Variants in SIGLEC11 observed in about 807,000 individuals in gnomAD.
SIGLEC11 encodes sialic acid-binding Ig-like lectin 11.
Under a neutral mutation model 61.2 loss-of-function variants are expected in SIGLEC11, and 47 were observed. That is an observed-to-expected ratio of 0.77 (90% CI 0.61 to 0.98). The LOEUF (loss-of-function observed/expected upper bound fraction) is 0.98, where lower values mean the gene tolerates loss of function less well. Ranked by LOEUF, SIGLEC11 falls within the 50% of genes least tolerant of loss-of-function variation. The pLI is 0.00. For missense variants in SIGLEC11, 610 were observed against 870.3 expected (o/e 0.70, Z 3.76); for synonymous variants, 278 against 373.1 (o/e 0.75, Z 2.94).
rs2076239454 is a variant in SIGLEC11 at position 49,960,698 on chromosome 19, A to G, written c.314T>C (p.Leu105Pro). 6.2e-7 allele frequency: 1 copy of G among 1,610,968 alleles called. No individual in the cohort carries two copies. Among genetic ancestry groups the G allele is most frequent in the Non-Finnish European group, 8.5e-7 (1 of 1,179,754 alleles). The change falls in exon 2 of 11, where the codon CTC becomes CCC. Residue 105 changes from leucine to proline, a missense_variant. Coordinates refer to ENST00000447370, the MANE Select transcript of SIGLEC11 (RefSeq NM_052884.3). ...VEMSTRDRFQ[L>P]TGDPGKGSCS... is the part of the protein sequence containing the mutation. Reference sequence around the variant, plus strand: ...GCTCCCTTTGCCGGGATCCCCAGTGAGCTGGAATCGGTCCCGGGTGCTCAT... The same window carrying G: ...GCTCCCTTTGCCGGGATCCCCAGTGGGCTGGAATCGGTCCCGGGTGCTCAT...
chr19:49,952,230 G>A (rs1849058675), intron 9 of SIGLEC11, 68 bp downstream of exon 9: 4 of 1,483,096 alleles, frequency 2.7e-6, no homozygotes, highest in African/African-American at 1.4e-5. Flanking sequence ...TCCTGCAGCT[G>A]GGACTGTCTG....
At chr19:49,956,641 A>T (rs114841842) in intron 8 of SIGLEC11, among the ~76,000 whole-genome samples, 1 of 152,216 alleles carries the variant, frequency 6.6e-6, no homozygotes, top group African/African-American at 2.4e-5. Context: ...AAAATTGAAA[A>T]GACACAAATT....
Position 49,958,546 on chromosome 19 carries a change from G to C in SIGLEC11, c.1388C>G (p.Ser463Cys), listed in dbSNP as rs776744999. ...CAGACCCTCAGCCTCCCAGGAGCAGGAGGGGCCCAGCAGCTGTGGAGGGTC... is the reference window on the plus strand; with the variant it reads ...CAGACCCTCAGCCTCCCAGGAGCAGCAGGGGCCCAGCAGCTGTGGAGGGTC... ...VHYPPQLLGP[S>C]CSWEAEGLHC... The change falls in exon 8 of 11, where the codon TCC (serine) becomes TGC (cysteine). Residue 463 changes from serine to cysteine, a missense_variant. By Grantham distance (112) the Ser-to-Cys change is moderately radical (BLOSUM62 -1). Coordinates refer to ENST00000447370, the MANE Select transcript of SIGLEC11 (RefSeq NM_052884.3). 1.9e-6 allele frequency: 3 copies of C among 1,583,970 alleles called. No homozygotes were observed. Among genetic ancestry groups the C allele is most frequent in the Non-Finnish European group, 2.6e-6 (3 of 1,165,714 alleles).
chr19:49,949,890 G>T lies in SIGLEC11; in HGVS notation c.*80C>A. 1 of 1,304,628 alleles carries T rather than the reference G, an allele frequency of 7.7e-7. No homozygotes were observed. Among genetic ancestry groups the T allele is most frequent in the South Asian group, 2.6e-5 (1 of 38,772 alleles). 80.8% of individuals were successfully genotyped at this position (1,304,628 alleles called of 1,614,324 possible). On this transcript the variant is annotated 3_prime_UTR_variant, in exon 11 of 11. Transcript: ENST00000447370. ...CAAGCTCTTCATTGGGGATGGGGCT[G>T]AAATCTGAGTCCAGTTCTGGCCGTC...
intron 5 of SIGLEC11, 51 bp from the exon 6 acceptor site, chr19:49,959,128 G>A: frequency 6.2e-7 from 1 of 1,605,760 alleles, no homozygotes; most frequent in Non-Finnish European, 8.5e-7. Flanking sequence ...GCTTCCCTCT[G>A]GGTAAAGGGA....
At chr19:49,950,366 G>T in intron 10 of SIGLEC11, 130 bp from the exon 11 acceptor site, 1 of 988,914 alleles carries the variant, frequency 1.0e-6, no homozygotes, top group Non-Finnish European at 1.4e-6. Context: ...GGTCAGCTGG[G>T]CCCTCATTCA....
intron 8 of SIGLEC11, among the ~76,000 whole-genome samples, chr19:49,957,566 C>T (rs1459904587): frequency 6.6e-6 from 1 of 151,962 alleles, no homozygotes; most frequent in Non-Finnish European, 1.5e-5. Context: ...TACTCCTTTC[C>T]CTGGCTTCTT....
At position 49,958,225 on chromosome 19, in the gene SIGLEC11, T is replaced by C. The variant is rs973944590; in HGVS notation, c.1651+58A>G. 6.3e-6 allele frequency: 10 copies of C among 1,597,260 alleles called. No individual in the cohort carries two copies. The African/African-American group carries it at 1.1e-4, about 17-fold the overall frequency. On this transcript the variant is annotated intron_variant, in intron 8 of 10. Coordinates refer to ENST00000447370, the MANE Select transcript of SIGLEC11 (RefSeq NM_052884.3). The stretch of plus-strand genomic sequence containing the variant: ...CTCTCCCCACAACCTTGAACCTTCA[T>C]CTTTCTAGGATCCTGTCTCCTTTCT...
chr19:49,952,188 C>A, intron 9 of SIGLEC11, 110 bp downstream of exon 9: 1 of 1,219,276 alleles, frequency 8.2e-7, no homozygotes. Context: ...TTGCCCAAGG[C>A]CTAGTTCTCA....
In SIGLEC11 at chr19:49,959,077, T is replaced by A. The variant is rs1301519702; in HGVS notation, c.1058A>T (p.Tyr353Phe). 2 of 1,613,750 alleles carry A rather than the reference T, an allele frequency of 1.2e-6. No homozygotes were observed. The highest frequency in any genetic ancestry group is 3.3e-5 in the Admixed American group (2 of 59,978). ...QQQALDLSVQ[Y>F]PPENLRVMVS... ...CATCACTCTCAGGTTCTCTGGAGGATCTGAAATGGAGACAGGGGACCGGCT... is the reference window on the plus strand; with the variant it reads ...CATCACTCTCAGGTTCTCTGGAGGAACTGAAATGGAGACAGGGGACCGGCT... Residue 353 changes from tyrosine (Y) to phenylalanine (F), a missense_variant and splice_region_variant, in exon 6 of 11, where the codon TAT becomes TTT. Tyr to Phe is a conservative substitution (Grantham distance 22). Transcript: ENST00000447370.
intron 8 of SIGLEC11, among the ~76,000 whole-genome samples, chr19:49,957,093 A>G (rs1016283489): frequency 2.0e-5 from 3 of 152,200 alleles, no homozygotes; most frequent in Non-Finnish European, 2.9e-5. Context: ...GGTTCTGGCC[A>G]TACTAGGAAG....
In SIGLEC11 at chr19:49,949,829, CAG is replaced by C; in HGVS notation, c.*139_*140del. 2 of 916,236 alleles carry C rather than the reference CAG, an allele frequency of 2.2e-6. No individual in the cohort carries two copies. The highest frequency in any genetic ancestry group is 2.9e-6 in the Non-Finnish European group (2 of 686,736). 56.8% of individuals were successfully genotyped at this position (916,236 alleles called of 1,614,324 possible). A position where few individuals can be genotyped will look rare whatever the true frequency, so the allele number is the denominator to read the frequency against. On this transcript the variant is annotated 3_prime_UTR_variant, in exon 11 of 11. Transcript: ENST00000447370. ...TGGACTCTGGCCTGGAGGACAGAGT[CAG>C]ACCCTGTCTCAAAAAAAGTATAATC... is the stretch of plus-strand genomic sequence containing the variant.
intron 8 of SIGLEC11, among the ~76,000 whole-genome samples, chr19:49,953,853 G>C (rs79080465): frequency 6.6e-6 from 1 of 152,176 alleles, no homozygotes; most frequent in Non-Finnish European, 1.5e-5. Flanking sequence ...TTACTCCATT[G>C]AAGTGCATGT....
Position 49,952,374 on chromosome 19 carries a change from C to G in SIGLEC11, c.1672G>C (p.Gly558Arg). 1 of 1,607,316 alleles carries G rather than the reference C, an allele frequency of 6.2e-7. No individual in the cohort carries two copies. Among genetic ancestry groups the G allele is most frequent in the Non-Finnish European group, 8.5e-7 (1 of 1,179,894 alleles). Reference protein sequence around the residue: ...LLPGKLEHGGGLGLGAALGAG... With the variant: ...LLPGKLEHGGRLGLGAALGAG... ...CCCAGGGCAGCCCCCAGGCCAAGTC[C>G]TCCCCCATGCTCCAGCTTCCCTGCA... Residue 558 changes from glycine to arginine, a missense_variant, in exon 9 of 11, where the codon GGA (glycine) becomes CGA (arginine). Gly to Arg is a moderately radical substitution (Grantham distance 125). Transcript: ENST00000447370.
Position 49,951,567 on chromosome 19 carries a change from T to G in SIGLEC11, c.1830+324A>C, listed in dbSNP as rs539159091. Among the ~76,000 whole-genome samples the G allele has an allele frequency of 6.6e-6, 1 of 152,128 alleles. No homozygotes were observed. Among genetic ancestry groups the G allele is most frequent in the South Asian group, 2.1e-4 (1 of 4,814 alleles). On this transcript the variant is annotated intron_variant, in intron 10 of 10. Transcript: ENST00000447370. The surrounding 1 kb of genome is among the most constrained non-coding windows in gnomAD (Gnocchi z 4.6). ...CTGAGGAAAGGACTCTCTGGCATCC[T>G]GTGTTGAGGAGGAGAGATAGGAGGG...
chr19:49,957,727 C>T (rs1205648419), intron 8 of SIGLEC11, among the ~76,000 whole-genome samples: 5 of 152,206 alleles, frequency 3.3e-5, no homozygotes, highest in East Asian at 1.9e-4. Context: ...TTTAGCCGGG[C>T]GCGGTGGCAC....
intron 8 of SIGLEC11, among the ~76,000 whole-genome samples, chr19:49,953,980 G>T (rs1037507118): frequency 1.3e-5 from 2 of 152,166 alleles, no homozygotes; most frequent in Non-Finnish European, 2.9e-5. Flanking sequence ...GCTGACCGAA[G>T]AAACTGTAGA....
At chr19:49,958,161 A>T (rs2076211000) in intron 8 of SIGLEC11, 122 bp downstream of exon 8, 2 of 1,380,042 alleles carry the variant, frequency 1.4e-6, no homozygotes, top group African/African-American at 2.9e-5. Context: ...GCCACAGAGC[A>T]GGGACTTTGT....
intron 8 of SIGLEC11, among the ~76,000 whole-genome samples, chr19:49,956,978 A>G (rs183168913): frequency 6.6e-6 from 1 of 152,348 alleles, no homozygotes; most frequent in African/African-American, 2.4e-5. Flanking sequence ...CAAAAATAAA[A>G]AAATTAGCCC....
Sources: allele counts gnomAD v4.1 joint callset (sites outside exome capture counted in the v4.1 genomes callset), GRCh38; gene constraint gnomAD v4.1.1; non-coding constraint Gnocchi (gnomAD v3.1); transcripts MANE v1.5; gene names NCBI Gene and HGNC (gene_info 2026-07-23, HGNC 2026-07-21).